The following SMIM14 variants were observed in gnomAD, a reference collection of about 807,000 sequenced individuals.
The protein encoded by SMIM14 is small integral membrane protein 14, also known as chromosome 4 open reading frame 34.
SMIM14 carries 5 observed loss-of-function variants against 12.6 expected under a neutral mutation model. The observed-to-expected ratio is 0.40, with a 90% CI of 0.21 to 0.83. The LOEUF (loss-of-function observed/expected upper bound fraction) is 0.83, where lower values mean the gene tolerates loss of function less well. Among genes scored for constraint, SMIM14 ranks in the 40% least tolerant of loss-of-function variants. The pLI is 0.37. For synonymous variants in SMIM14, 30 were observed against 40.1 expected (o/e 0.75, Z 0.95); for missense variants, 86 against 119.1 (o/e 0.72, Z 1.29).
chr4:39,582,915 C>T (rs1467637162), intron 2 of SMIM14, among the ~76,000 whole-genome samples: 1 of 152,022 alleles, frequency 6.6e-6, no homozygotes, highest in Non-Finnish European at 1.5e-5. Flanking sequence ...GCCTCAGCCT[C>T]CCAAGTAGCT....
intron 3 of SMIM14, among the ~76,000 whole-genome samples, chr4:39,563,952 G>A (rs1406040923): frequency 6.6e-6 from 1 of 150,882 alleles, no homozygotes. Flanking sequence ...ATTTTGAGAC[G>A]GAGTCTTGCT....
intron 1 of SMIM14, among the ~76,000 whole-genome samples, chr4:39,612,850 T>C (rs1318502775): frequency 6.6e-6 from 1 of 152,230 alleles, no homozygotes; most frequent in Non-Finnish European, 1.5e-5. Flanking sequence ...TCCACCTGCC[T>C]TGGCCTCCCA....
chr4:39,580,524 T>C (rs939986882), intron 2 of SMIM14, among the ~76,000 whole-genome samples: 7 of 149,354 alleles, frequency 4.7e-5, no homozygotes, highest in African/African-American at 1.8e-4. Context: ...TCTGTTTCTT[T>C]CTTTCTTTTT....
At chr4:39,559,875 G>C (rs1033623080) in intron 3 of SMIM14, among the ~76,000 whole-genome samples, 2 of 151,954 alleles carry the variant, frequency 1.3e-5, no homozygotes, top group African/African-American at 4.8e-5. Context: ...CCAGCACTTT[G>C]AGAGGCCAAG....
At chr4:39,559,844 T>A (rs1376494954) in intron 3 of SMIM14, among the ~76,000 whole-genome samples, 2 of 152,012 alleles carry the variant, frequency 1.3e-5, no homozygotes, top group African/African-American at 4.8e-5. Flanking sequence ...AGGCCGGGCG[T>A]GGCAGCTCAT....
At chr4:39,615,452 T>C (rs1344635908) in intron 1 of SMIM14, among the ~76,000 whole-genome samples, 1 of 152,220 alleles carries the variant, frequency 6.6e-6, no homozygotes, top group Non-Finnish European at 1.5e-5. Flanking sequence ...GGTAGATACA[T>C]GTCATTATAC....
chr4:39,585,796 G>A (rs1373082922), intron 2 of SMIM14, among the ~76,000 whole-genome samples: 2 of 152,026 alleles, frequency 1.3e-5, no homozygotes, highest in Non-Finnish European at 2.9e-5. Flanking sequence ...AAAGCTTTGG[G>A]CAGAGGCCAA....
intron 1 of SMIM14, among the ~76,000 whole-genome samples, chr4:39,611,383 G>A (rs570707482): frequency 1.1e-4 from 16 of 152,180 alleles, no homozygotes; most frequent in Admixed American, 5.2e-4. Flanking sequence ...GCAGGTACCC[G>A]TAATCCCAGC....
At chr4:39,576,899 T>C (rs1462820347) in intron 2 of SMIM14, among the ~76,000 whole-genome samples, 2 of 149,968 alleles carry the variant, frequency 1.3e-5, no homozygotes, top group South Asian at 2.1e-4. Context: ...TCAGTAGAGA[T>C]AGGGTTTCAC....
chr4:39,604,296 G>C (rs750161156), intron 2 of SMIM14, among the ~76,000 whole-genome samples: 5 of 152,070 alleles, frequency 3.3e-5, no homozygotes, highest in Admixed American at 1.3e-4. Flanking sequence ...CAGCACTTTG[G>C]GGGGCTAAGG....
At position 39,558,692 on chromosome 4, in the gene SMIM14, AAGG is replaced by A. The variant is rs1712132719; in HGVS notation, c.125-2125_125-2123del. On this transcript the variant is annotated intron_variant, in intron 3 of 4. Coordinates refer to ENST00000295958, the MANE Select transcript of SMIM14 (RefSeq NM_174921.3). This position sits in a 1 kb window ranked among gnomAD's most constrained non-coding sequence, Gnocchi z 4.3. ...AAAGAAAAATTACTCAATCAGTTAC[AAGG>A]AGGAGAGCAGTTTCTTTTTTTTGTT... Among the ~76,000 whole-genome samples, 3 of 152,164 alleles carry A rather than the reference AAGG, an allele frequency of 2.0e-5. No individual in the cohort carries two copies. Among genetic ancestry groups the A allele is most frequent in the Admixed American group, 2.0e-4 (3 of 15,242 alleles).
chr4:39,553,530 TACTC>T (rs1711843530), intron 4 of SMIM14, among the ~76,000 whole-genome samples: 1 of 151,136 alleles, frequency 6.6e-6, no homozygotes, highest in Non-Finnish European at 1.5e-5. Flanking sequence ...GTTTTATAAA[TACTC>T]TCTTCTCCAA....
intron 3 of SMIM14, among the ~76,000 whole-genome samples, chr4:39,557,793 A>G (rs1712095801): frequency 6.6e-6 from 1 of 152,150 alleles, no homozygotes; most frequent in Admixed American, 6.6e-5. Flanking sequence ...GGGGGGAAAA[A>G]TCTGCTTCTT....
At chr4:39,612,764 C>G (rs1247779577) in intron 1 of SMIM14, among the ~76,000 whole-genome samples, 2 of 152,158 alleles carry the variant, frequency 1.3e-5, no homozygotes, top group Non-Finnish European at 2.9e-5. Context: ...TCATGCCTGG[C>G]TAATTTTTGT....
intron 3 of SMIM14, among the ~76,000 whole-genome samples, chr4:39,559,051 T>A (rs547307618): frequency 4.3e-4 from 65 of 152,328 alleles, no homozygotes; most frequent in African/African-American, 1.4e-3. Context: ...GTAACCAAGC[T>A]ATCCACTTGG....
At position 39,549,168 on chromosome 4, in the gene SMIM14, T is replaced by G. The variant is rs1711543506; in HGVS notation, c.*2958A>C. ...AAGGTCGCGCCACTTCACTCCAGCT[T>G]GGGCGAAAGAGCAAAACTCCATCTC... On this transcript the variant is annotated 3_prime_UTR_variant, in exon 5 of 5. Coordinates refer to ENST00000295958, the MANE Select transcript of SMIM14 (RefSeq NM_174921.3). The G allele has an allele frequency of 2.6e-5, 4 of 152,034 alleles. No individual in the cohort carries two copies. Among genetic ancestry groups the G allele is most frequent in the Admixed American group, 2.6e-4 (4 of 15,258 alleles). 9.4% of individuals were successfully genotyped at this position (152,034 alleles called of 1,614,324 possible). A position where few individuals can be genotyped will look rare whatever the true frequency, so the allele number is the denominator to read the frequency against.
chr4:39,553,246 A>G (rs925577125), intron 4 of SMIM14, among the ~76,000 whole-genome samples: 3 of 151,886 alleles, frequency 2.0e-5, no homozygotes, highest in African/African-American at 4.8e-5. Context: ...TATTTTTAGT[A>G]GAGACAGGGT....
At chr4:39,599,156 C>A (rs1714495771) in intron 2 of SMIM14, among the ~76,000 whole-genome samples, 2 of 152,216 alleles carry the variant, frequency 1.3e-5, no homozygotes, top group East Asian at 3.9e-4. Flanking sequence ...TGTGCCAATG[C>A]CTTCTAGTTT....
At chr4:39,560,009 C>A (rs1366501290) in intron 3 of SMIM14, among the ~76,000 whole-genome samples, 1 of 151,776 alleles carries the variant, frequency 6.6e-6, no homozygotes, top group Non-Finnish European at 1.5e-5. Flanking sequence ...GCGGTCCCAG[C>A]TACTCAGGAG....
Sources: gnomAD v4.1 joint callset for allele counts (sites outside exome capture counted in the v4.1 genomes callset) on GRCh38, gnomAD v4.1.1 for gene constraint, Gnocchi (gnomAD v3.1) non-coding constraint, MANE v1.5 for transcripts, NCBI Gene and HGNC (gene_info 2026-07-23, HGNC 2026-07-21) for gene names.